The following MTMR14 variants were observed in gnomAD, a reference collection of about 807,000 sequenced individuals.
MTMR14 encodes myotubularin related protein 14.
Under a neutral mutation model 86.3 loss-of-function variants are expected in MTMR14, and 48 were observed. The observed-to-expected ratio is 0.56, with a 90% CI of 0.44 to 0.71. MTMR14 has a LOEUF of 0.71. Among genes scored for constraint, MTMR14 ranks in the 30% least tolerant of loss-of-function variants. The pLI, the probability that MTMR14 is intolerant of heterozygous loss-of-function variation, is 0.00. For synonymous variants in MTMR14, 366 were observed against 326.1 expected, an observed-to-expected ratio of 1.12 and a Z score of -1.32; for missense variants, 780 against 834.6, an observed-to-expected ratio of 0.93 and a Z score of 0.81.
At position 9,700,692 on chromosome 3, in the gene MTMR14, A is replaced by G. The variant is rs1163337239; in HGVS notation, c.1770-1098A>G. ...AACCACAGTGACTGAAGGTGTAGCT[A>G]AAGCCCTAGAGGTTTCCAGTGGGGA... On this transcript the variant is annotated intron_variant, in intron 18 of 18. Coordinates refer to ENST00000296003, the MANE Select transcript of MTMR14 (RefSeq NM_001077525.3). The G allele has an allele frequency of 2.6e-5, 4 of 152,214 alleles. No homozygotes were observed. In the East Asian group the frequency reaches 7.7e-4, roughly 29 times the overall value. The allele number at this position is 152,214 out of a possible 1,614,324, so 9.4% of individuals were successfully genotyped here.
intron 2 of MTMR14, among the ~76,000 whole-genome samples, chr3:9,654,667 C>T (rs112224751): frequency 2.0e-5 from 3 of 152,208 alleles, no homozygotes; most frequent in Non-Finnish European, 4.4e-5. Context: ...ATCCTGGCCC[C>T]GTGGGTGAAA....
intron 7 of MTMR14, among the ~76,000 whole-genome samples, chr3:9,676,299 C>T (rs868381955): frequency 2.0e-5 from 3 of 152,248 alleles, no homozygotes; most frequent in Non-Finnish European, 4.4e-5. Flanking sequence ...TTTCTTGAAG[C>T]CACCAGGAGC....
At chr3:9,667,641 C>T (rs542829603) in intron 3 of MTMR14, among the ~76,000 whole-genome samples, 2 of 152,132 alleles carry the variant, frequency 1.3e-5, no homozygotes, top group South Asian at 4.1e-4. Flanking sequence ...TAATGCCCCT[C>T]ATTCTGTCCC....
rs747013075 is a variant in MTMR14 at position 9,684,572 on chromosome 3, G to A, written c.965-13G>A. Reference sequence around the variant, plus strand: ...TTCTCTCCTGGGCATCCTCTCCTGCGGTTCCTGAGTAGATGACAGCGGGCT... The same window carrying A: ...TTCTCTCCTGGGCATCCTCTCCTGCAGTTCCTGAGTAGATGACAGCGGGCT... On this transcript the variant is annotated splice_polypyrimidine_tract_variant and intron_variant, in intron 10 of 18. Coordinates refer to ENST00000296003, the MANE Select transcript of MTMR14 (RefSeq NM_001077525.3). 3.1e-6 allele frequency: 5 copies of A among 1,613,922 alleles called. No individual in the cohort carries two copies. The highest frequency in any genetic ancestry group is 2.2e-5 in the East Asian group (1 of 44,864).
intron 7 of MTMR14, among the ~76,000 whole-genome samples, chr3:9,673,437 T>G (rs989693824): frequency 6.6e-6 from 1 of 152,164 alleles, no homozygotes; most frequent in Non-Finnish European, 1.5e-5. Context: ...AGCATTCAAG[T>G]TTTCTGGCAA....
Position 9,701,843 on chromosome 3 carries a change from T to TG in MTMR14, c.1823_1824insG (p.Phe608LeufsTer61). Reference sequence around the variant, plus strand: ...CGGCTGCAGGAGGTGCGCTCAGCCTTCTTGGCTGCGTACAGCAGCACAGTG... The same window carrying TG: ...CGGCTGCAGGAGGTGCGCTCAGCCTTGCTTGGCTGCGTACAGCAGCACAGTG... On this transcript the variant is annotated frameshift_variant, in exon 19 of 19. Coordinates refer to ENST00000296003, the MANE Select transcript of MTMR14 (RefSeq NM_001077525.3). LOFTEE classifies it high-confidence loss of function. The surrounding 1 kb of genome is among the most constrained non-coding windows in gnomAD (Gnocchi z 4.2). 6.2e-7 allele frequency: 1 copy of TG among 1,613,872 alleles called. No homozygotes were observed. Among genetic ancestry groups the TG allele is most frequent in the Non-Finnish European group, 8.5e-7 (1 of 1,180,046 alleles).
At chr3:9,681,384 C>A (rs1279029708) in intron 9 of MTMR14, among the ~76,000 whole-genome samples, 2 of 152,192 alleles carry the variant, frequency 1.3e-5, no homozygotes, top group Non-Finnish European at 2.9e-5. Context: ...ACCTCCTAGT[C>A]CCTGAACACT....
At chr3:9,653,372 CCCCAAATGCTCAATA>C (rs2047417869) in intron 1 of MTMR14, among the ~76,000 whole-genome samples, 1 of 151,996 alleles carries the variant, frequency 6.6e-6, no homozygotes, top group African/African-American at 2.4e-5. Context: ...TAATCGTCTC[CCCCAAATGCTCAATA>C]CCCACAATTT....
chr3:9,652,593 T>C (rs2047363892), intron 1 of MTMR14, among the ~76,000 whole-genome samples: 1 of 151,878 alleles, frequency 6.6e-6, no homozygotes, highest in Non-Finnish European at 1.5e-5. Flanking sequence ...ATTAAAAATT[T>C]TTTGTTGGCT....
At chr3:9,672,278 A>T (rs1366662633) in intron 6 of MTMR14, among the ~76,000 whole-genome samples, 3 of 152,114 alleles carry the variant, frequency 2.0e-5, no homozygotes, top group Non-Finnish European at 2.9e-5. Flanking sequence ...TCACCCTGTC[A>T]CCCTGGCTGG....
At chr3:9,650,943 C>G (rs944711955) in intron 1 of MTMR14, among the ~76,000 whole-genome samples, 3 of 152,082 alleles carry the variant, frequency 2.0e-5, no homozygotes, top group Non-Finnish European at 4.4e-5. Context: ...ACCCCACCAC[C>G]ACGCCCAGCT....
At position 9,702,261 on chromosome 3, in the gene MTMR14, CT is replaced by C; in HGVS notation, c.*290del. 6.0e-6 allele frequency: 3 copies of C among 496,776 alleles called. No homozygotes were observed. Among genetic ancestry groups the C allele is most frequent in the Non-Finnish European group, 1.1e-5 (3 of 271,850 alleles). 30.8% of individuals were successfully genotyped at this position (496,776 alleles called of 1,614,324 possible). ...GAACTGTGTGGGGTTTCCCTGGGGC[CT>C]TGTGGAAGCCATGACTTCACAAAGA... On this transcript the variant is annotated 3_prime_UTR_variant, in exon 19 of 19. Transcript: ENST00000296003.
intron 17 of MTMR14, among the ~76,000 whole-genome samples, chr3:9,690,585 C>T (rs546866673): frequency 1.3e-5 from 2 of 152,270 alleles, no homozygotes; most frequent in East Asian, 1.9e-4. Flanking sequence ...CTGGGACAAA[C>T]GATGGTGACT....
At chr3:9,691,165 G>GC (rs1176411642) in intron 17 of MTMR14, among the ~76,000 whole-genome samples, 1 of 152,236 alleles carries the variant, frequency 6.6e-6, no homozygotes, top group Admixed American at 6.5e-5. Context: ...AGACTGCACT[G>GC]CCCACAGGGG....
chr3:9,660,005 G>A (rs556380242), intron 2 of MTMR14, among the ~76,000 whole-genome samples: 15 of 152,212 alleles, frequency 9.9e-5, no homozygotes, highest in Non-Finnish European at 2.1e-4. Context: ...AGTGAGAGTC[G>A]GTTGCAGCAG....
At chr3:9,664,757 G>C (rs958752537) in intron 3 of MTMR14, among the ~76,000 whole-genome samples, 2 of 152,040 alleles carry the variant, frequency 1.3e-5, no homozygotes, top group African/African-American at 4.8e-5. Flanking sequence ...ACTAGGAAAG[G>C]GTTCTGACAG....
At chr3:9,661,743 G>T (rs927882414) in intron 2 of MTMR14, among the ~76,000 whole-genome samples, 2 of 151,854 alleles carry the variant, frequency 1.3e-5, no homozygotes, top group African/African-American at 4.8e-5. Context: ...TTATCTTAAA[G>T]GTTCAGAAAT....
chr3:9,687,831 TCTG>T lies in MTMR14; in HGVS notation c.1178_1180del (p.Cys393del). The T allele has an allele frequency of 6.3e-7, 1 of 1,577,066 alleles. No homozygotes were observed. The highest frequency in any genetic ancestry group is 8.6e-7 in the Non-Finnish European group (1 of 1,158,502). Reference sequence around the variant, plus strand: ...TTTGGTCTCCTTTAGATTTTCTTCTTCTGCTTCAATTTTTTGAAGCATATTACC... The same window carrying T: ...TTTGGTCTCCTTTAGATTTTCTTCTTCTTCAATTTTTTGAAGCATATTACC... On this transcript the variant is annotated inframe_deletion, in exon 14 of 19. Transcript: ENST00000296003.
chr3:9,671,228 C>A (rs2125131793), intron 6 of MTMR14, 58 bp downstream of exon 6: 2 of 1,612,164 alleles, frequency 1.2e-6, no homozygotes, highest in East Asian at 4.5e-5. Flanking sequence ...ATTTGCAGGG[C>A]TGGCGTTAGT....
Sources: gnomAD v4.1 joint callset for allele counts (sites outside exome capture counted in the v4.1 genomes callset) on GRCh38, gnomAD v4.1.1 for gene constraint, Gnocchi (gnomAD v3.1) non-coding constraint, MANE v1.5 for transcripts, NCBI Gene and HGNC (gene_info 2026-07-23, HGNC 2026-07-21) for gene names.